Variants in HMCN1 observed in about 807,000 individuals in gnomAD.
HMCN1 encodes hemicentin-1.
In HMCN1, 321 loss-of-function variants were observed where a neutral mutation model predicts 625.9. The observed-to-expected ratio is 0.51, with a 90% CI of 0.47 to 0.56. The LOEUF (loss-of-function observed/expected upper bound fraction) is 0.56. Among genes scored for constraint, HMCN1 ranks in the 20% least tolerant of loss-of-function variants. The pLI is 0.00. For missense variants in HMCN1, 6,588 were observed against 6,887.3 expected, an observed-to-expected ratio of 0.96 and a Z score of 1.54; for synonymous variants, 2,425 against 2,417.6, an observed-to-expected ratio of 1.00 and a Z score of -0.09.
chr1:186,104,408 T>C (rs938586304), intron 69 of HMCN1, among the ~76,000 whole-genome samples: 109 of 152,326 alleles, frequency 7.2e-4, no homozygotes, highest in African/African-American at 2.6e-3. Flanking sequence ...GTTCCTGCTG[T>C]TGCTGTTGTT....
At position 186,061,505 on chromosome 1, in the gene HMCN1, G is replaced by A. The variant is rs185987502; in HGVS notation, c.7313-346G>A. ...TACAATTCGAGATGAGGTTTGGGTG[G>A]GGACACAGAGCCAAACTATATCAGC... On this transcript the variant is annotated intron_variant, in intron 46 of 106. Transcript: ENST00000271588. Among the ~76,000 whole-genome samples the A allele has an allele frequency of 8.9e-4, 135 of 152,134 alleles. 1 individual carries two copies. The highest frequency in any genetic ancestry group is 1.9e-3 in the East Asian group (10 of 5,176).
chr1:185,833,192 A>G (rs1210954921), intron 1 of HMCN1, among the ~76,000 whole-genome samples: 1 of 152,216 alleles, frequency 6.6e-6, no homozygotes, highest in Non-Finnish European at 1.5e-5. Context: ...GCTGTCAAAT[A>G]CGAGGCATCT....
At chr1:186,030,424 T>C (rs968329368) in intron 36 of HMCN1, among the ~76,000 whole-genome samples, 2 of 152,104 alleles carry the variant, frequency 1.3e-5, no homozygotes, top group African/African-American at 4.8e-5. Context: ...TAACCTTTTG[T>C]ATTTTTTTTA....
At chr1:186,016,359 C>T in intron 32 of HMCN1, 120 bp downstream of exon 32, 2 of 923,208 alleles carry the variant, frequency 2.2e-6, no homozygotes, top group East Asian at 2.6e-5. Context: ...GTCCTCTGTG[C>T]AACTGTGGAT....
intron 22 of HMCN1, among the ~76,000 whole-genome samples, chr1:185,990,668 T>G (rs1652364784): frequency 6.6e-6 from 1 of 152,206 alleles, no homozygotes; most frequent in Non-Finnish European, 1.5e-5. Flanking sequence ...AATTTTTCCC[T>G]GGTGCATTTT....
chr1:186,125,128 A>AT (rs1553300987), intron 81 of HMCN1, among the ~76,000 whole-genome samples: 2 of 151,496 alleles, frequency 1.3e-5, no homozygotes, highest in Non-Finnish European at 2.9e-5. Context: ...TGCAATAAGT[A>AT]TTTTTTTTTC....
chr1:186,158,442 A>T (rs1317138437), intron 97 of HMCN1, among the ~76,000 whole-genome samples: 1 of 152,150 alleles, frequency 6.6e-6, no homozygotes, highest in East Asian at 1.9e-4. Context: ...TAGCTTAATT[A>T]GATCCCATTT....
intron 93 of HMCN1, among the ~76,000 whole-genome samples, chr1:186,150,148 G>A (rs1010272176): frequency 8.5e-5 from 13 of 152,086 alleles, no homozygotes; most frequent in Non-Finnish European, 2.9e-5. Flanking sequence ...AAAACGCAGT[G>A]TCTGCAAAGA....
At chr1:185,737,721 T>C (rs1194305805) in intron 1 of HMCN1, among the ~76,000 whole-genome samples, 2 of 152,208 alleles carry the variant, frequency 1.3e-5, no homozygotes, top group Non-Finnish European at 2.9e-5. Context: ...TCTTGAATGT[T>C]TATAAGCCCT....
rs180718897 is a variant in HMCN1 at position 185,808,722 on chromosome 1, G to A, written c.269-37304G>A. On this transcript the variant is annotated intron_variant, in intron 1 of 106. Coordinates refer to ENST00000271588, the MANE Select transcript of HMCN1 (RefSeq NM_031935.3). ...ATGGGATAAGAGAGTCCTTCAAAGT[G>A]TATTCTACTTCCTTTTCTCTTCAGG... 6.2e-4 allele frequency among the ~76,000 whole-genome samples: 94 copies of A among 152,262 alleles called. 3 individuals are homozygous for A. In the East Asian group the frequency reaches 0.015, roughly 24 times the overall value.
intron 1 of HMCN1, among the ~76,000 whole-genome samples, chr1:185,806,628 A>T (rs1374146642): frequency 6.8e-6 from 1 of 147,988 alleles, no homozygotes; most frequent in African/African-American, 2.5e-5. Flanking sequence ...GTTATCTTTG[A>T]TTTGATCCAT....
chr1:186,157,695 G>GT (rs1213575248), intron 97 of HMCN1, among the ~76,000 whole-genome samples: 2 of 152,016 alleles, frequency 1.3e-5, no homozygotes, highest in Admixed American at 6.6e-5. Flanking sequence ...GCGGTGTTTG[G>GT]TTTTTTGTTC....
chr1:185,949,497 T>C (rs571799963), intron 11 of HMCN1, among the ~76,000 whole-genome samples: 5,202 of 151,840 alleles, frequency 0.034, 208 homozygotes, highest in African/African-American at 0.085. Context: ...GTGAGGTGTG[T>C]TTTTAAAAGA....
In HMCN1 at chr1:186,131,673, G is replaced by A. The variant is rs577121714; in HGVS notation, c.13231-655G>A. On this transcript the variant is annotated intron_variant, in intron 85 of 106. Transcript: ENST00000271588. ...CTTTTATTGACTTACTGTTTGTTAA[G>A]GAGACCTGAATTCTTCCATTCACAA... 9.2e-5 allele frequency among the ~76,000 whole-genome samples: 14 copies of A among 152,102 alleles called. No individual in the cohort carries two copies. In the South Asian group the frequency reaches 2.1e-3, roughly 23 times the overall value.
chr1:185,930,700 G>A (rs1160447660), intron 10 of HMCN1, among the ~76,000 whole-genome samples: 1 of 151,908 alleles, frequency 6.6e-6, no homozygotes, highest in Non-Finnish European at 1.5e-5. Flanking sequence ...GTTGGTTATT[G>A]GGTTATTGAT....
intron 1 of HMCN1, among the ~76,000 whole-genome samples, chr1:185,750,397 G>T (rs1421191490): frequency 2.6e-5 from 4 of 152,032 alleles, no homozygotes; most frequent in Non-Finnish European, 5.9e-5. Flanking sequence ...GATCTATCAG[G>T]TTTTTTAAAA....
chr1:185,974,446 G>A (rs1194646764), intron 15 of HMCN1, among the ~76,000 whole-genome samples: 1 of 152,078 alleles, frequency 6.6e-6, no homozygotes, highest in Non-Finnish European at 1.5e-5. Flanking sequence ...AACTGGAGGA[G>A]GTAAAATAAT....
At chr1:186,089,590 A>G (rs1401874707) in intron 63 of HMCN1, among the ~76,000 whole-genome samples, 3 of 152,044 alleles carry the variant, frequency 2.0e-5, no homozygotes, top group Non-Finnish European at 2.9e-5. Flanking sequence ...ATTCAACGTC[A>G]GAAGTTGCAT....
intron 68 of HMCN1, among the ~76,000 whole-genome samples, chr1:186,098,562 G>A (rs921888373): frequency 1.3e-5 from 2 of 152,112 alleles, no homozygotes; most frequent in African/African-American, 4.8e-5. Flanking sequence ...AGGATGTGGA[G>A]AAAAGGGGAC....
Sources: allele counts gnomAD v4.1 joint callset (sites outside exome capture counted in the v4.1 genomes callset), GRCh38; gene constraint gnomAD v4.1.1; transcripts MANE v1.5; gene names NCBI Gene and HGNC (gene_info 2026-07-23, HGNC 2026-07-21).